The following CNRIP1 variants were observed in gnomAD, a reference collection of about 807,000 sequenced individuals.
The protein encoded by CNRIP1 is cannabinoid receptor interacting protein 1, also known as CB1 cannabinoid receptor-interacting protein 1.
Under a neutral mutation model 15.2 loss-of-function variants are expected in CNRIP1, and 10 were observed. The observed-to-expected ratio is 0.66, with a 90% confidence interval of 0.41 to 1.12. The LOEUF (loss-of-function observed/expected upper bound fraction) is 1.12, where lower values mean the gene tolerates loss of function less well. Ranked by LOEUF, CNRIP1 falls within the 50% of genes most tolerant of loss-of-function variation. CNRIP1 has a pLI of 0.00. For missense variants in CNRIP1, 211 were observed against 214.7 expected (o/e 0.98, Z 0.11); for synonymous variants, 91 against 83.2 (o/e 1.09, Z -0.51).
At chr2:68,298,176 A>G (rs1240363000) in intron 2 of CNRIP1, among the ~76,000 whole-genome samples, 1 of 152,170 alleles carries the variant, frequency 6.6e-6, no homozygotes, top group Non-Finnish European at 1.5e-5. Context: ...TAATTTACCA[A>G]GACTTTTAAA....
At chr2:68,310,094 G>A (rs564455334) in intron 2 of CNRIP1, among the ~76,000 whole-genome samples, 1 of 152,240 alleles carries the variant, frequency 6.6e-6, no homozygotes, top group African/African-American at 2.4e-5. Context: ...TTGGGAGGCC[G>A]AGGCAGGTGG....
intron 2 of CNRIP1, among the ~76,000 whole-genome samples, chr2:68,296,233 T>A (rs570898820): frequency 6.6e-6 from 1 of 152,200 alleles, no homozygotes; most frequent in Non-Finnish European, 1.5e-5. Flanking sequence ...CAGAATACCA[T>A]GAAGAACATG....
chr2:68,318,732 G>A (rs1672373220), intron 1 of CNRIP1, among the ~76,000 whole-genome samples: 1 of 152,304 alleles, frequency 6.6e-6, no homozygotes, highest in South Asian at 2.1e-4. Flanking sequence ...CCCTCAGGGA[G>A]CCCCAGTAAT....
intron 2 of CNRIP1, among the ~76,000 whole-genome samples, chr2:68,303,869 G>A (rs540250808): frequency 5.2e-4 from 79 of 152,332 alleles, no homozygotes; most frequent in Non-Finnish European, 9.0e-4. Flanking sequence ...CTGAGGTCAG[G>A]AGTTTGAGAC....
At chr2:68,306,028 G>C (rs1671828268) in intron 2 of CNRIP1, among the ~76,000 whole-genome samples, 1 of 147,978 alleles carries the variant, frequency 6.8e-6, no homozygotes, top group South Asian at 2.2e-4. Flanking sequence ...TACTAGAGAG[G>C]CTGAGGTAGG....
At chr2:68,306,058 C>T (rs1671829303) in intron 2 of CNRIP1, among the ~76,000 whole-genome samples, 1 of 131,824 alleles carries the variant, frequency 7.6e-6, no homozygotes, top group Non-Finnish European at 1.5e-5. Flanking sequence ...TGCCAGAGGT[C>T]AAGGCTGCAG....
chr2:68,305,534 G>A (rs1245558440), intron 2 of CNRIP1, among the ~76,000 whole-genome samples: 6 of 151,780 alleles, frequency 4.0e-5, no homozygotes, highest in East Asian at 1.9e-4. Context: ...GGTGGCTCAC[G>A]CCTGTAATCC....
downstream of CNRIP1, among the ~76,000 whole-genome samples, chr2:68,288,051 TGGTTTGCAGCCG>T (rs1488245653): frequency 5.0e-5 from 7 of 139,718 alleles, no homozygotes; most frequent in Non-Finnish European, 9.4e-5. Flanking sequence ...TCTTGCTGGC[TGGTTTGCAGCCG>T]GCCGGCCAGC....
intron 2 of CNRIP1, among the ~76,000 whole-genome samples, chr2:68,304,058 C>T (rs1671715580): frequency 6.6e-6 from 1 of 151,036 alleles, no homozygotes; most frequent in South Asian, 2.1e-4. Flanking sequence ...GACTGGGCGA[C>T]AGAGCAAGAC....
downstream of CNRIP1, among the ~76,000 whole-genome samples, chr2:68,289,830 G>T (rs1671119107): frequency 6.6e-6 from 1 of 151,852 alleles, no homozygotes; most frequent in African/African-American, 2.4e-5. Context: ...TATGTGCCAG[G>T]AACTGTTCTG....
At chr2:68,295,838 T>A (rs942424732) in intron 2 of CNRIP1, among the ~76,000 whole-genome samples, 4 of 152,218 alleles carry the variant, frequency 2.6e-5, no homozygotes, top group Non-Finnish European at 5.9e-5. Flanking sequence ...ACATATATGT[T>A]GGTCAAAACT....
At chr2:68,305,272 A>G (rs867760142) in intron 2 of CNRIP1, among the ~76,000 whole-genome samples, 907 of 68,900 alleles carry the variant, frequency 0.013, 6 homozygotes, top group African/African-American at 0.026. Context: ...ATATATATAT[A>G]TATGTGTGTG....
chr2:68,312,339 CCATAAACAGAATAAAACACCTTATGAT>C (rs1256203125), intron 2 of CNRIP1, among the ~76,000 whole-genome samples: 1 of 151,692 alleles, frequency 6.6e-6, no homozygotes, highest in Admixed American at 6.6e-5. Context: ...AGGTAATCTA[CCATAAACAGAATAAAACACCTTATGAT>C]CATTTCAAAA....
exon 3 of CNRIP1, chr2:68,284,482 C>T: frequency 2.0e-6 from 3 of 1,538,286 alleles, no homozygotes; most frequent in Non-Finnish European, 2.6e-6. Flanking sequence ...GTTCCAGGCA[C>T]TCCTGAAAAT....
intron 1 of CNRIP1, among the ~76,000 whole-genome samples, chr2:68,318,616 G>C (rs1016207818): frequency 6.6e-6 from 1 of 152,222 alleles, no homozygotes; most frequent in Non-Finnish European, 1.5e-5. Context: ...ATACGGCATG[G>C]AAAACCGTGA....
At chr2:68,284,447 G>A in exon 3 of CNRIP1, 1 of 1,537,226 alleles carries the variant, frequency 6.5e-7, no homozygotes, top group East Asian at 2.5e-5. Flanking sequence ...ACATTCATAT[G>A]TAAGAGAGAT....
At chr2:68,305,470 G>A (rs573281181) in intron 2 of CNRIP1, among the ~76,000 whole-genome samples, 1 of 151,928 alleles carries the variant, frequency 6.6e-6, no homozygotes, top group East Asian at 1.9e-4. Context: ...ATCAGTGTGG[G>A]TGCCTAAGTC....
At chr2:68,310,914 G>T (rs983007299) in intron 2 of CNRIP1, among the ~76,000 whole-genome samples, 2 of 152,000 alleles carry the variant, frequency 1.3e-5, no homozygotes, top group Admixed American at 1.3e-4. Flanking sequence ...AAATGTTATA[G>T]AATTTAGAAG....
chr2:68,316,962 G>T (rs1375604496), intron 2 of CNRIP1, 195 bp downstream of exon 2: 2 of 695,286 alleles, frequency 2.9e-6, no homozygotes, highest in Non-Finnish European at 5.2e-6. Flanking sequence ...CATCTACAGG[G>T]TCAGTCTGTC....
Sources: gnomAD v4.1 joint callset for allele counts (sites outside exome capture counted in the v4.1 genomes callset) on GRCh38, gnomAD v4.1.1 for gene constraint, MANE v1.5 for transcripts, NCBI Gene and HGNC (gene_info 2026-07-23, HGNC 2026-07-21) for gene names.